The following SAMMSON variants were observed in gnomAD, a reference collection of about 807,000 sequenced individuals.
The protein encoded by SAMMSON is long intergenic non-protein coding RNA 1212.
At chr3:70,316,349 G>C (rs1035935476) in intron 7 of SAMMSON, among the ~76,000 whole-genome samples, 1 of 152,074 alleles carries the variant, frequency 6.6e-6, no homozygotes, top group African/African-American at 2.4e-5. Context: ...TATAATGTAA[G>C]AAGATGAAAT....
At chr3:69,999,816 G>A (rs1166653001), upstream of SAMMSON, 1 of 152,438 alleles carries the variant, frequency 6.6e-6, no homozygotes, top group Non-Finnish European at 1.5e-5. Context: ...AGAGCCCGCT[G>A]GGGGAAGAGC....
chr3:70,116,149 C>T (rs2067409934), intron 4 of SAMMSON, among the ~76,000 whole-genome samples: 1 of 152,026 alleles, frequency 6.6e-6, no homozygotes, highest in South Asian at 2.1e-4. Flanking sequence ...TAACTAAATT[C>T]ATGGCAAGAG....
At position 70,221,258 on chromosome 3, in the gene SAMMSON, A is replaced by G. The variant is rs1388772987; in HGVS notation, n.508-27849A>G. Among the ~76,000 whole-genome samples the G allele has an allele frequency of 2.6e-5, 4 of 152,298 alleles. No individual in the cohort carries two copies. In the East Asian group the frequency reaches 7.7e-4, roughly 29 times the overall value. ...AATAATAAAAATAATGATAGCTAACATTCACTTCACACTATGAGAAGCTTT... is the reference window on the plus strand; with the variant it reads ...AATAATAAAAATAATGATAGCTAACGTTCACTTCACACTATGAGAAGCTTT... On this transcript the variant is annotated intron_variant and non_coding_transcript_variant, in intron 4 of 9. Coordinates refer to ENST00000642114, the Ensembl canonical transcript of SAMMSON.
chr3:70,140,814 A>T (rs1466977443), intron 4 of SAMMSON, among the ~76,000 whole-genome samples: 1 of 152,164 alleles, frequency 6.6e-6, no homozygotes, highest in Admixed American at 6.6e-5. Context: ...TCCATTGCCC[A>T]ATAACATGTT....
intron 2 of SAMMSON, among the ~76,000 whole-genome samples, chr3:70,013,035 A>T (rs1008771762): frequency 1.3e-5 from 2 of 152,176 alleles, no homozygotes; most frequent in African/African-American, 4.8e-5. Flanking sequence ...TTGCTGTGTC[A>T]TTTTAAGCAA....
Position 70,275,385 on chromosome 3 carries a change from T to C in SAMMSON, n.675-15794T>C, listed in dbSNP as rs148641756. Among the ~76,000 whole-genome samples the C allele has an allele frequency of 7.0e-4, 107 of 152,186 alleles. 1 individual carries two copies. Among genetic ancestry groups the C allele is most frequent in the African/African-American group, 2.5e-3 (105 of 41,534 alleles). On this transcript the variant is annotated intron_variant and non_coding_transcript_variant, in intron 6 of 9. Transcript: ENST00000642114. ...AAAAAATTAGTTGGGTGTGGTGGCATGTGCCTGTAGTCCCAGCTACTAGGG... is the reference window on the plus strand; with the variant it reads ...AAAAAATTAGTTGGGTGTGGTGGCACGTGCCTGTAGTCCCAGCTACTAGGG...
intron 9 of SAMMSON, among the ~76,000 whole-genome samples, chr3:70,379,926 TAAA>T (rs1208329197): frequency 3.3e-5 from 5 of 152,132 alleles, no homozygotes; most frequent in Non-Finnish European, 4.4e-5. Flanking sequence ...TTAATAATGT[TAAA>T]AAAGGGAATA....
At chr3:70,111,421 C>T (rs570560970) in intron 4 of SAMMSON, among the ~76,000 whole-genome samples, 20 of 152,274 alleles carry the variant, frequency 1.3e-4, no homozygotes, top group African/African-American at 2.6e-4. Flanking sequence ...TTAACACTAA[C>T]GTGGAAACTT....
intron 4 of SAMMSON, among the ~76,000 whole-genome samples, chr3:70,112,473 C>A (rs540017465): frequency 6.6e-6 from 1 of 151,970 alleles, no homozygotes; most frequent in South Asian, 2.1e-4. Flanking sequence ...ACAGAAGAAG[C>A]AATTGTGAGT....
intron 4 of SAMMSON, chr3:70,126,264 T>C: frequency 9.4e-7 from 1 of 1,065,470 alleles, no homozygotes; most frequent in East Asian, 2.6e-5. Flanking sequence ...CCTTTTTTTT[T>C]TTTTTTCAGA....
intron 4 of SAMMSON, among the ~76,000 whole-genome samples, chr3:70,184,712 A>G (rs1701079243): frequency 6.6e-6 from 1 of 152,216 alleles, no homozygotes; most frequent in Admixed American, 6.5e-5. Flanking sequence ...CTCAGTTCCC[A>G]TTGAATAATT....
At chr3:70,405,925 G>A (rs1455654235) in intron 2 of SAMMSON, among the ~76,000 whole-genome samples, 1 of 152,014 alleles carries the variant, frequency 6.6e-6, no homozygotes, top group Non-Finnish European at 1.5e-5. Context: ...ATGATAAGAA[G>A]AAAAAATCTT....
intron 4 of SAMMSON, among the ~76,000 whole-genome samples, chr3:70,176,116 A>G (rs1029129154): frequency 6.6e-6 from 1 of 152,112 alleles, no homozygotes; most frequent in African/African-American, 2.4e-5. Flanking sequence ...CACAAGTGGG[A>G]TGTAAAAATC....
At chr3:70,339,947 AT>A (rs1164646392) in intron 7 of SAMMSON, among the ~76,000 whole-genome samples, 2 of 152,146 alleles carry the variant, frequency 1.3e-5, no homozygotes, top group Non-Finnish European at 2.9e-5. Flanking sequence ...ATAAAGACAC[AT>A]GCACACACAT....
chr3:70,317,799 C>G (rs1385469120), intron 7 of SAMMSON, among the ~76,000 whole-genome samples: 1 of 151,586 alleles, frequency 6.6e-6, no homozygotes. Context: ...CCTCTTTAGC[C>G]TAAAGAATTT....
intron 7 of SAMMSON, among the ~76,000 whole-genome samples, chr3:70,346,956 C>G (rs777915258): frequency 6.6e-6 from 1 of 152,156 alleles, no homozygotes; most frequent in Non-Finnish European, 1.5e-5. Flanking sequence ...GAAACTGATT[C>G]TAAACCATTA....
At chr3:70,235,701 G>A (rs1391035767) in intron 4 of SAMMSON, among the ~76,000 whole-genome samples, 2 of 152,122 alleles carry the variant, frequency 1.3e-5, no homozygotes, top group Non-Finnish European at 1.5e-5. Context: ...AAGGGTTCTG[G>A]TGGCAGACAA....
At chr3:70,221,062 C>T (rs886767046) in intron 4 of SAMMSON, among the ~76,000 whole-genome samples, 1 of 152,142 alleles carries the variant, frequency 6.6e-6, no homozygotes, top group Admixed American at 6.5e-5. Context: ...CCAGGTACAA[C>T]AATAACTAGC....
At chr3:70,077,996 TC>T (rs2067255026) in intron 4 of SAMMSON, among the ~76,000 whole-genome samples, 1 of 152,198 alleles carries the variant, frequency 6.6e-6, no homozygotes. Flanking sequence ...ACCCCGTTTA[TC>T]CCTGCTGCAA....
Sources: gnomAD v4.1 joint callset for allele counts (sites outside exome capture counted in the v4.1 genomes callset) on GRCh38, gnomAD v4.1.1 for gene constraint, MANE v1.5 for transcripts, NCBI Gene and HGNC (gene_info 2026-07-23, HGNC 2026-07-21) for gene names.